The following NRXN3 variants were observed in gnomAD, a reference collection of about 807,000 sequenced individuals.
NRXN3 encodes neurexin 3.
In NRXN3, 32 loss-of-function variants were observed where a neutral mutation model predicts 137.6. The observed-to-expected ratio is 0.23, with a 90% CI of 0.18 to 0.31. The LOEUF is 0.31. Among genes scored for constraint, NRXN3 ranks in the 10% least tolerant of loss-of-function variants. The pLI is 1.00. For missense variants in NRXN3, 1,574 were observed against 2,062.5 expected (o/e 0.76, Z 4.59); for synonymous variants, 798 against 784.5 (o/e 1.02, Z -0.29).
chr14:78,663,628 C>A (rs1176344848), intron 6 of NRXN3, among the ~76,000 whole-genome samples: 1 of 152,126 alleles, frequency 6.6e-6, no homozygotes, highest in African/African-American at 2.4e-5. Context: ...TCAAAACACC[C>A]AAATAAGGAG....
chr14:78,934,423 T>C (rs1035275933), intron 10 of NRXN3, among the ~76,000 whole-genome samples: 2 of 152,176 alleles, frequency 1.3e-5, no homozygotes, highest in Non-Finnish European at 2.9e-5. Flanking sequence ...AGGGGGTGTC[T>C]TTGCACACAT....
chr14:78,298,649 A>T (rs150648980), intron 4 of NRXN3, among the ~76,000 whole-genome samples: 191 of 152,246 alleles, frequency 1.3e-3, no homozygotes, highest in African/African-American at 4.2e-3. Context: ...CCTAGTTAAA[A>T]TTGTCTTTTC....
At chr14:78,944,194 G>GATT (rs1277572144) in intron 10 of NRXN3, among the ~76,000 whole-genome samples, 1 of 152,120 alleles carries the variant, frequency 6.6e-6, no homozygotes, top group East Asian at 1.9e-4. Context: ...ATCTGAGAAT[G>GATT]ATCTTTTCAC....
chr14:79,811,581 C>CTTTTTTTTTTTTTTTTTTTTTTTTTT (rs370942970), intron 20 of NRXN3, among the ~76,000 whole-genome samples: 9 of 116,606 alleles, frequency 7.7e-5, no homozygotes, highest in Non-Finnish European at 1.0e-4. Context: ...TTTCTTTTTT[C>CTTTTTTTTTTTTTTTTTTTTTTTTTT]TTTTTTTTTT....
chr14:78,222,280 C>T (rs542624736), intron 1 of NRXN3, among the ~76,000 whole-genome samples: 31 of 152,248 alleles, frequency 2.0e-4, no homozygotes, highest in African/African-American at 7.2e-4. Flanking sequence ...CAGAGAGCAG[C>T]TGCTGGAGCA....
At chr14:79,456,288 T>G (rs2096255913) in intron 15 of NRXN3, among the ~76,000 whole-genome samples, 1 of 152,206 alleles carries the variant, frequency 6.6e-6, no homozygotes. Context: ...TTTGCCAATT[T>G]ATTTAAGCAC....
At chr14:78,425,447 A>G (rs983178169) in intron 4 of NRXN3, among the ~76,000 whole-genome samples, 24 of 152,296 alleles carry the variant, frequency 1.6e-4, no homozygotes, top group Middle Eastern at 3.4e-3. Context: ...TCAAATCTGC[A>G]TATTCCCAAG....
At chr14:78,388,869 TTAA>T (rs1489676537) in intron 4 of NRXN3, among the ~76,000 whole-genome samples, 2 of 152,070 alleles carry the variant, frequency 1.3e-5, no homozygotes, top group African/African-American at 2.4e-5. Context: ...GTCTTTATTA[TTAA>T]TTATTATTAA....
chr14:78,347,224 A>C (rs1240912963), intron 4 of NRXN3, among the ~76,000 whole-genome samples: 2 of 152,252 alleles, frequency 1.3e-5, no homozygotes, highest in East Asian at 3.9e-4. Flanking sequence ...ATTTAAAACA[A>C]CAGTCTTATG....
chr14:79,026,152 G>A (rs976457063), intron 15 of NRXN3, among the ~76,000 whole-genome samples: 1 of 152,100 alleles, frequency 6.6e-6, no homozygotes, highest in Non-Finnish European at 1.5e-5. Context: ...AAGTAAATAA[G>A]CCTATAGTAT....
intron 16 of NRXN3, among the ~76,000 whole-genome samples, chr14:79,557,648 T>C (rs1195539424): frequency 6.6e-6 from 1 of 152,166 alleles, no homozygotes; most frequent in Non-Finnish European, 1.5e-5. Flanking sequence ...AAATATTTAT[T>C]GCTAAAATAA....
At chr14:79,382,353 C>T (rs1368978375) in intron 15 of NRXN3, among the ~76,000 whole-genome samples, 1 of 152,114 alleles carries the variant, frequency 6.6e-6, no homozygotes, top group Non-Finnish European at 1.5e-5. Flanking sequence ...GGCTGTCTAC[C>T]AAGAGGCAGG....
chr14:78,332,273 C>T (rs2080910370), intron 4 of NRXN3, among the ~76,000 whole-genome samples: 1 of 151,854 alleles, frequency 6.6e-6, no homozygotes, highest in African/African-American at 2.4e-5. Context: ...TTGTTGCCCT[C>T]TTTGCCTTTG....
At chr14:79,096,923 T>G (rs1186429908) in intron 15 of NRXN3, among the ~76,000 whole-genome samples, 1 of 152,156 alleles carries the variant, frequency 6.6e-6, no homozygotes, top group Non-Finnish European at 1.5e-5. Context: ...AAATTTAGAT[T>G]TTTGAGATAA....
intron 19 of NRXN3, among the ~76,000 whole-genome samples, chr14:79,758,648 A>G (rs1395403013): frequency 1.2e-4 from 18 of 152,180 alleles, no homozygotes; most frequent in Admixed American, 1.2e-3. Flanking sequence ...GGTGAACTGC[A>G]CAAGGATACT....
At chr14:78,820,441 AAAAAAT>A (rs1213539162) in intron 10 of NRXN3, among the ~76,000 whole-genome samples, 1 of 150,520 alleles carries the variant, frequency 6.6e-6, no homozygotes, top group African/African-American at 2.4e-5. Context: ...AAAAAAAAAA[AAAAAAT>A]GGAGTAATTT....
chr14:79,819,800 A>AG (rs555631954), intron 20 of NRXN3, among the ~76,000 whole-genome samples: 35 of 151,692 alleles, frequency 2.3e-4, no homozygotes, highest in Non-Finnish European at 4.0e-4. Context: ...TTCATCTTTA[A>AG]GGACATTTCC....
intron 6 of NRXN3, 59 bp from the exon 7 acceptor site, chr14:78,709,158 A>G (rs2098385454): frequency 1.3e-6 from 2 of 1,507,864 alleles, no homozygotes; most frequent in African/African-American, 1.4e-5. Context: ...CCAGTGAGTG[A>G]TGGATGGATA....
rs1041572232 is a variant in NRXN3 at position 79,861,129 on chromosome 14, C to A, written c.4094-213C>A. 4 of 1,452,872 alleles carry A rather than the reference C, an allele frequency of 2.8e-6. No homozygotes were observed. The highest frequency in any genetic ancestry group is 3.6e-6 in the Non-Finnish European group (4 of 1,101,970). 90.0% of individuals were successfully genotyped at this position (1,452,872 alleles called of 1,614,324 possible). On this transcript the variant is annotated intron_variant, in intron 20 of 20. Transcript: ENST00000335750. This position sits in a 1 kb window ranked among gnomAD's most constrained non-coding sequence, Gnocchi z 5.4. ...GCACCTTCCATTACACTCCCCCCTA[C>A]CTTTCGCCCCCTCCTCACCATTATT...
Sources: allele counts gnomAD v4.1 joint callset (sites outside exome capture counted in the v4.1 genomes callset), GRCh38; gene constraint gnomAD v4.1.1; non-coding constraint Gnocchi (gnomAD v3.1); transcripts MANE v1.5; gene names NCBI Gene and HGNC (gene_info 2026-07-23, HGNC 2026-07-21).